Variants in CCT6B observed in about 807,000 individuals in gnomAD.
The protein encoded by CCT6B is chaperonin containing TCP1 subunit 6B, also known as probable T-complex protein 1 subunit zeta-2.
Under a neutral mutation model 61.5 loss-of-function variants are expected in CCT6B, and 49 were observed. The ratio of observed to expected loss-of-function variants is 0.80; its 90% CI spans 0.63 to 1.01. The LOEUF (loss-of-function observed/expected upper bound fraction) is 1.01. Among genes scored for constraint, CCT6B ranks in the 50% least tolerant of loss-of-function variants. The pLI is 0.00. For synonymous variants in CCT6B, 228 were observed against 214.5 expected (o/e 1.06, Z -0.55); for missense variants, 666 against 634.7 (o/e 1.05, Z -0.53).
chr17:34,928,996 T>C lies in CCT6B; in HGVS notation c.1489A>G (p.Asn497Asp), dbSNP rs2090002924. The change falls in exon 13 of 14, where the codon AAT becomes GAT. Residue 497 changes from asparagine to aspartate, a missense_variant. Coordinates refer to ENST00000314144, the MANE Select transcript of CCT6B (RefSeq NM_006584.4). Reference sequence around the variant, plus strand: ...AGAAGTTGTTTTTTTACACAATAATTATCCCAAACTCCTGCATCTGCTGCT... The same window carrying C: ...AGAAGTTGTTTTTTTACACAATAATCATCCCAAACTCCTGCATCTGCTGCT... ...MVAADAGVWD[N>D]YCVKKQLLHS... The C allele has an allele frequency of 1.2e-6, 2 of 1,609,256 alleles. No individual in the cohort carries two copies. Among genetic ancestry groups the C allele is most frequent in the South Asian group, 2.2e-5 (2 of 90,334 alleles).
intron 3 of CCT6B, among the ~76,000 whole-genome samples, chr17:34,957,597 T>C (rs1458555040): frequency 6.6e-6 from 1 of 152,202 alleles, no homozygotes; most frequent in Non-Finnish European, 1.5e-5. Flanking sequence ...TGGGAGATAA[T>C]CATTTCCTTA....
Position 34,954,466 on chromosome 17 carries a change from T to C in CCT6B, c.470A>G (p.Gln157Arg), listed in dbSNP as rs375623137. ...AGCCAGTTCAGCATGAACTTTAGTTTGTAATGATGTTCTAGCTACATCTAA... is the reference window on the plus strand; with the variant it reads ...AGCCAGTTCAGCATGAACTTTAGTTCGTAATGATGTTCTAGCTACATCTAA... ...ILLDVARTSL[Q>R]TKVHAELADV... Residue 157 changes from glutamine (Q) to arginine (R), a missense_variant, in exon 4 of 14, where the codon CAA becomes CGA. Transcript: ENST00000314144. The C allele has an allele frequency of 3.7e-6, 6 of 1,612,778 alleles. No individual in the cohort carries two copies. Among genetic ancestry groups the C allele is most frequent in the Non-Finnish European group, 5.1e-6 (6 of 1,179,554 alleles).
chr17:34,939,529 A>G, intron 9 of CCT6B, 88 bp downstream of exon 9: 1 of 927,314 alleles, frequency 1.1e-6, no homozygotes, highest in Non-Finnish European at 1.7e-6. Context: ...CAAAACACAA[A>G]ACATGAAATA....
At chr17:34,948,275 A>G (rs1475349070) in intron 5 of CCT6B, among the ~76,000 whole-genome samples, 1 of 152,216 alleles carries the variant, frequency 6.6e-6, no homozygotes, top group Admixed American at 6.5e-5. Flanking sequence ...CCATAACTGT[A>G]TTAAATATAA....
chr17:34,939,149 A>G (rs776730687), intron 10 of CCT6B, 34 bp downstream of exon 10: 1 of 1,568,128 alleles, frequency 6.4e-7, no homozygotes, highest in Non-Finnish European at 8.8e-7. Flanking sequence ...ACACATATAC[A>G]TGAGGTTCAT....
intron 10 of CCT6B, among the ~76,000 whole-genome samples, chr17:34,936,145 C>A (rs2090091626): frequency 6.6e-6 from 1 of 152,064 alleles, no homozygotes; most frequent in Non-Finnish European, 1.5e-5. Context: ...GAGACAGTTT[C>A]ACCATGTTGG....
Position 34,937,348 on chromosome 17 carries a change from TATG to T in CCT6B, c.1213+1832_1213+1834del, listed in dbSNP as rs2090106161. On this transcript the variant is annotated intron_variant, in intron 10 of 13. Coordinates refer to ENST00000314144, the MANE Select transcript of CCT6B (RefSeq NM_006584.4). ...TATAAAGCTACAGTCGTCAGGACAG[TATG>T]ATATTAACATTAAAATAGACAAATG... 3.3e-5 allele frequency among the ~76,000 whole-genome samples: 5 copies of T among 152,242 alleles called. No homozygotes were observed. In the South Asian group the frequency reaches 1.0e-3, roughly 32 times the overall value.
At chr17:34,955,737 G>A (rs998744473) in intron 3 of CCT6B, among the ~76,000 whole-genome samples, 26 of 152,158 alleles carry the variant, frequency 1.7e-4, no homozygotes, top group African/African-American at 6.3e-4. Flanking sequence ...TTGAGTATTT[G>A]TGCTGGACAT....
In CCT6B at chr17:34,939,696, C is replaced by T. The variant is rs780075500; in HGVS notation, c.986G>A (p.Gly329Asp). 6.8e-6 allele frequency: 11 copies of T among 1,612,172 alleles called. No individual in the cohort carries two copies. In the South Asian group the frequency reaches 1.1e-4, roughly 16 times the overall value. Reference protein sequence around the residue: ...RNMERLSLACGGMAVNSFEDL... With the variant: ...RNMERLSLACDGMAVNSFEDL... ...TTCAAAAGAATTCACGGCCATTCCA[C>T]CACAAGCAAGAGAGAGTCTGAAATT... The change falls in exon 9 of 14, where the codon GGT (glycine) becomes GAT (aspartate). Residue 329 changes from glycine (G) to aspartate (D), a missense_variant. Physicochemically the swap from Gly to Asp is moderately conservative, Grantham distance 94. Transcript: ENST00000314144.
At chr17:34,949,118 G>T (rs987601000) in intron 5 of CCT6B, among the ~76,000 whole-genome samples, 1 of 151,080 alleles carries the variant, frequency 6.6e-6, no homozygotes, top group African/African-American at 2.4e-5. Flanking sequence ...GAAAAGAAAA[G>T]AAAAGGAGAA....
At chr17:34,933,801 T>G (rs1432449238) in intron 10 of CCT6B, among the ~76,000 whole-genome samples, 1 of 151,582 alleles carries the variant, frequency 6.6e-6, no homozygotes, top group African/African-American at 2.4e-5. Context: ...ACGAAGAAAG[T>G]TCTCAAACTA....
chr17:34,927,981 C>A lies in CCT6B; in HGVS notation c.*67G>T. The A allele has an allele frequency of 3.5e-6, 4 of 1,145,970 alleles. No homozygotes were observed. In the South Asian group the frequency reaches 5.6e-5, roughly 16 times the overall value. The allele number at this position is 1,145,970 out of a possible 1,614,324, so 71.0% of individuals were successfully genotyped here. A position where few individuals can be genotyped will look rare whatever the true frequency, so the allele number is the denominator to read the frequency against. On this transcript the variant is annotated 3_prime_UTR_variant, in exon 14 of 14. Transcript: ENST00000314144. ...GAAATTCAGAATGGCTCAGGCTACA[C>A]AATAGTAGTCAGATGTAAAGTGTAC...
Position 34,961,225 on chromosome 17 carries a change from C to A in CCT6B, c.137+32G>T, listed in dbSNP as rs184418253. 8 of 1,577,166 alleles carry A rather than the reference C, an allele frequency of 5.1e-6. No homozygotes were observed. In the East Asian group the frequency reaches 1.4e-4, roughly 27 times the overall value. Reference sequence around the variant, plus strand: ...CGACAGGACACCAACGGGCCCCTAGCCGCGTAATGGCCGCTCCAACCGCTG... The same window carrying A: ...CGACAGGACACCAACGGGCCCCTAGACGCGTAATGGCCGCTCCAACCGCTG... On this transcript the variant is annotated intron_variant, in intron 1 of 13. Coordinates refer to ENST00000314144, the MANE Select transcript of CCT6B (RefSeq NM_006584.4).
chr17:34,940,395 A>T, intron 8 of CCT6B, 144 bp downstream of exon 8: 1 of 540,562 alleles, frequency 1.8e-6, no homozygotes, highest in Non-Finnish European at 3.3e-6. Context: ...TCAATTATTT[A>T]CTGAAACTAA....
chr17:34,960,080 C>T (rs2090395098), intron 1 of CCT6B, among the ~76,000 whole-genome samples: 1 of 152,080 alleles, frequency 6.6e-6, no homozygotes, highest in Non-Finnish European at 1.5e-5. Context: ...TTGAATCTGC[C>T]ACCTTCTCTC....
At chr17:34,928,757 G>C (rs867720963) in intron 13 of CCT6B, among the ~76,000 whole-genome samples, 19 of 151,984 alleles carry the variant, frequency 1.3e-4, no homozygotes, top group Non-Finnish European at 1.6e-4. Flanking sequence ...ATTTTTCTTA[G>C]AACTTAACAC....
chr17:34,940,679 C>T (rs2090153497), intron 7 of CCT6B, 58 bp from the exon 8 acceptor site: 1 of 922,700 alleles, frequency 1.1e-6, no homozygotes, highest in African/African-American at 1.7e-5. Flanking sequence ...TTTCTCAAAC[C>T]TTTTGGTCTC....
At chr17:34,938,150 A>G (rs2090115880) in intron 10 of CCT6B, among the ~76,000 whole-genome samples, 1 of 151,410 alleles carries the variant, frequency 6.6e-6, no homozygotes, top group Non-Finnish European at 1.5e-5. Context: ...TTGGCCTCCC[A>G]AAGTGCTGGA....
chr17:34,956,083 T>A (rs2090344289), intron 3 of CCT6B, among the ~76,000 whole-genome samples: 1 of 152,174 alleles, frequency 6.6e-6, no homozygotes, highest in Non-Finnish European at 1.5e-5. Context: ...CAGTCATTAG[T>A]ATGTTTCTAT....
Sources: gnomAD v4.1 joint callset for allele counts (sites outside exome capture counted in the v4.1 genomes callset) on GRCh38, gnomAD v4.1.1 for gene constraint, MANE v1.5 for transcripts, NCBI Gene and HGNC (gene_info 2026-07-23, HGNC 2026-07-21) for gene names.